The following NRXN3 variants were observed in gnomAD, a reference collection of about 807,000 sequenced individuals.
The protein encoded by NRXN3 is neurexin III.
In NRXN3, 32 loss-of-function variants were observed where a neutral mutation model predicts 137.6. The ratio of observed to expected loss-of-function variants is 0.23; its 90% CI spans 0.18 to 0.31. The LOEUF is 0.31. NRXN3 is among the 10% of genes least tolerant of loss of function. The pLI is 1.00. For synonymous variants in NRXN3, 798 were observed against 784.5 expected, an observed-to-expected ratio of 1.02 and a Z score of -0.29; for missense variants, 1,574 against 2,062.5, an observed-to-expected ratio of 0.76 and a Z score of 4.59.
chr14:79,671,418 G>C (rs1183059277), intron 17 of NRXN3, among the ~76,000 whole-genome samples: 1 of 151,984 alleles, frequency 6.6e-6, no homozygotes, highest in African/African-American at 2.4e-5. Flanking sequence ...TCTGATTTCT[G>C]CCCAGTCTAG....
At chr14:79,115,714 G>T (rs2054322548) in intron 15 of NRXN3, among the ~76,000 whole-genome samples, 1 of 152,130 alleles carries the variant, frequency 6.6e-6, no homozygotes, top group Non-Finnish European at 1.5e-5. Flanking sequence ...GATGCTTTAT[G>T]CTTCGAGAAA....
intron 4 of NRXN3, among the ~76,000 whole-genome samples, chr14:78,448,484 G>A (rs1476652598): frequency 2.0e-5 from 3 of 152,176 alleles, no homozygotes; most frequent in Non-Finnish European, 4.4e-5. Context: ...AAAGAAGCAG[G>A]AGCTGCTAAA....
At chr14:79,317,028 C>A (rs567509824) in intron 15 of NRXN3, among the ~76,000 whole-genome samples, 1 of 151,824 alleles carries the variant, frequency 6.6e-6, no homozygotes, top group African/African-American at 2.4e-5. Flanking sequence ...GTCAGGAGTT[C>A]GAGACCAGCC....
At chr14:79,497,263 T>C (rs2096775871) in intron 16 of NRXN3, among the ~76,000 whole-genome samples, 1 of 152,148 alleles carries the variant, frequency 6.6e-6, no homozygotes, top group South Asian at 2.1e-4. Context: ...CCTTTGTTCG[T>C]GAACAAAGGA....
intron 15 of NRXN3, among the ~76,000 whole-genome samples, chr14:79,007,014 G>A (rs2099554433): frequency 6.6e-6 from 1 of 152,158 alleles, no homozygotes; most frequent in Admixed American, 6.5e-5. Flanking sequence ...TTTGATATAT[G>A]TGCAGCATTT....
chr14:79,725,157 A>G (rs2098876426), intron 19 of NRXN3, among the ~76,000 whole-genome samples: 1 of 152,168 alleles, frequency 6.6e-6, no homozygotes, highest in Admixed American at 6.6e-5. Flanking sequence ...AAGTCTTTTC[A>G]GGGTGCTTTC....
chr14:79,021,298 T>A (rs975201815), intron 15 of NRXN3, among the ~76,000 whole-genome samples: 2 of 152,170 alleles, frequency 1.3e-5, no homozygotes, highest in African/African-American at 2.4e-5. Context: ...CATCATCATG[T>A]CACCTAGCTA....
At chr14:79,686,171 C>T (rs1237935980) in intron 17 of NRXN3, among the ~76,000 whole-genome samples, 1 of 151,942 alleles carries the variant, frequency 6.6e-6, no homozygotes, top group Non-Finnish European at 1.5e-5. Context: ...ATAGTCCCAG[C>T]TACTCGGGAG....
In NRXN3 at chr14:78,943,619, AAAATATAT is replaced by A. The variant is rs1340007479; in HGVS notation, c.2276-13621_2276-13614del. On this transcript the variant is annotated intron_variant, in intron 10 of 20. Transcript: ENST00000335750. ...GAAGCAAGATCACTGTTAAAAAAAA[AAAATATAT>A]ATATATATATATATATATATATATA... Among the ~76,000 whole-genome samples, 187 of 42,804 alleles carry A rather than the reference AAAATATAT, an allele frequency of 4.4e-3. 9 individuals carry two copies. Among genetic ancestry groups the A allele is most frequent in the Non-Finnish European group, 5.9e-3 (138 of 23,300 alleles). The allele number at this position is 42,804 out of a possible 152,430, so 28.1% of individuals were successfully genotyped here.
chr14:78,381,119 C>T (rs1458377032), intron 4 of NRXN3, among the ~76,000 whole-genome samples: 1 of 152,128 alleles, frequency 6.6e-6, no homozygotes. Context: ...TGAACCTCAA[C>T]CTAAGTATCA....
chr14:78,430,159 G>A (rs2093823147), intron 4 of NRXN3, among the ~76,000 whole-genome samples: 1 of 152,206 alleles, frequency 6.6e-6, no homozygotes, highest in African/African-American at 2.4e-5. Context: ...GACCACATGA[G>A]CCCAGGAGGT....
chr14:78,681,503 G>A (rs1018202346), intron 6 of NRXN3, among the ~76,000 whole-genome samples: 2 of 152,188 alleles, frequency 1.3e-5, no homozygotes, highest in African/African-American at 4.8e-5. Flanking sequence ...CAGATCAGTG[G>A]TTTGTAAATT....
At chr14:79,052,289 G>T (rs777950868) in intron 15 of NRXN3, among the ~76,000 whole-genome samples, 1 of 152,176 alleles carries the variant, frequency 6.6e-6, no homozygotes, top group Non-Finnish European at 1.5e-5. Context: ...TAGGTTTTTA[G>T]TAGAGAGAGA....
chr14:78,896,365 C>T (rs2099174825), intron 10 of NRXN3, among the ~76,000 whole-genome samples: 1 of 151,834 alleles, frequency 6.6e-6, no homozygotes, highest in Non-Finnish European at 1.5e-5. Flanking sequence ...TCTCTTCCAT[C>T]TTGTAAAATA....
At chr14:79,843,159 A>T (rs2099359672) in intron 20 of NRXN3, among the ~76,000 whole-genome samples, 1 of 152,168 alleles carries the variant, frequency 6.6e-6, no homozygotes, top group Non-Finnish European at 1.5e-5. Context: ...GCTAATGTGA[A>T]TATAGGTCGG....
At chr14:79,468,615 G>A (rs1040420745) in intron 16 of NRXN3, among the ~76,000 whole-genome samples, 6 of 152,216 alleles carry the variant, frequency 3.9e-5, no homozygotes, top group African/African-American at 1.2e-4. Flanking sequence ...TTTCATTGCT[G>A]GTCTCTGGAG....
At chr14:78,291,265 G>A (rs946262999) in intron 3 of NRXN3, among the ~76,000 whole-genome samples, 1 of 152,126 alleles carries the variant, frequency 6.6e-6, no homozygotes, top group Non-Finnish European at 1.5e-5. Context: ...TCTCAGCTTC[G>A]GTTTTCTCAC....
rs112958146 is a variant in NRXN3 at position 79,279,646 on chromosome 14, C to A, written c.3263-187575C>A. 3.0e-5 allele frequency: 30 copies of A among 986,946 alleles called. No homozygotes were observed. The African/African-American group carries it at 4.4e-4, about 14-fold the overall frequency. The allele number at this position is 986,946 out of a possible 1,614,324, so 61.1% of individuals were successfully genotyped here. ...CTGGTTTTCATCCAGTTGGGAAACC[C>A]AGGAAGCCGGCGGCTGCTCCGTGGC... is the stretch of plus-strand genomic sequence containing the variant. On this transcript the variant is annotated intron_variant, in intron 15 of 20. Transcript: ENST00000335750.
chr14:78,230,111 G>A lies in NRXN3; in HGVS notation c.-703-12280G>A, dbSNP rs552075961. ...ACGATCTCGGCTCACTGCAACCTCC[G>A]CCTCCTGAACTCAAGTGATCCTCCC... On this transcript the variant is annotated intron_variant, in intron 1 of 20. Transcript: ENST00000335750. Among the ~76,000 whole-genome samples the A allele has an allele frequency of 5.3e-5, 8 of 152,068 alleles. No homozygotes were observed. The East Asian group carries it at 1.5e-3, about 29-fold the overall frequency.
Sources: gnomAD v4.1 joint callset for allele counts (sites outside exome capture counted in the v4.1 genomes callset) on GRCh38, gnomAD v4.1.1 for gene constraint, MANE v1.5 for transcripts, NCBI Gene and HGNC (gene_info 2026-07-23, HGNC 2026-07-21) for gene names.